The following FILIP1L variants were observed in gnomAD, a reference collection of about 807,000 sequenced individuals.
FILIP1L encodes the protein filamin A interacting protein 1 like.
A neutral mutation model predicts 96.6 loss-of-function variants in FILIP1L; 55 were observed. That is an observed-to-expected ratio of 0.57 (90% CI 0.46 to 0.71). FILIP1L has a LOEUF of 0.71. Among genes scored for constraint, FILIP1L ranks in the 30% least tolerant of loss-of-function variants. The probability of loss-of-function intolerance (pLI) is 0.00; values close to 1 mark genes in which losing one functional copy is unlikely to be tolerated. For synonymous variants in FILIP1L, 467 were observed against 473.9 expected (o/e 0.99, Z 0.19); for missense variants, 1,304 against 1,321.2 (o/e 0.99, Z 0.20).
At chr3:99,886,101 A>C (rs1190944325) in intron 4 of FILIP1L, among the ~76,000 whole-genome samples, 1 of 147,938 alleles carries the variant, frequency 6.8e-6, no homozygotes, top group Non-Finnish European at 1.5e-5. Flanking sequence ...AGAACACTCT[A>C]TGTGTGCACA....
At chr3:99,856,294 CAA>C (rs1311030376) in intron 4 of FILIP1L, among the ~76,000 whole-genome samples, 4 of 152,186 alleles carry the variant, frequency 2.6e-5, no homozygotes, top group African/African-American at 9.7e-5. Flanking sequence ...TCATAGAACA[CAA>C]AGAGTATAGG....
intron 1 of FILIP1L, among the ~76,000 whole-genome samples, chr3:99,996,776 A>G (rs1474607901): frequency 6.6e-6 from 1 of 152,102 alleles, no homozygotes; most frequent in Non-Finnish European, 1.5e-5. Context: ...CCATGAGAAC[A>G]GTATGGGGAA....
chr3:99,925,194 A>G (rs1271369954), intron 3 of FILIP1L, among the ~76,000 whole-genome samples: 7 of 152,210 alleles, frequency 4.6e-5, no homozygotes, highest in Non-Finnish European at 1.0e-4. Context: ...AGGTATTTCC[A>G]TTAAAATAGA....
chr3:99,969,966 G>A (rs957370220), intron 1 of FILIP1L, among the ~76,000 whole-genome samples: 1 of 152,178 alleles, frequency 6.6e-6, no homozygotes, highest in African/African-American at 2.4e-5. Flanking sequence ...AACAAATGAG[G>A]CTGTTACATC....
intron 4 of FILIP1L, among the ~76,000 whole-genome samples, chr3:99,892,979 G>A (rs1431449183): frequency 1.3e-5 from 2 of 152,126 alleles, no homozygotes; most frequent in African/African-American, 4.8e-5. Flanking sequence ...CCAAAACAGA[G>A]CTGAATTAGA....
intron 1 of FILIP1L, among the ~76,000 whole-genome samples, chr3:100,005,667 G>A (rs1709966581): frequency 6.6e-6 from 1 of 152,162 alleles, no homozygotes; most frequent in Non-Finnish European, 1.5e-5. Context: ...AAATTTATAA[G>A]CCTCTTTGAA....
At chr3:100,044,695 A>G (rs762779121) in intron 1 of FILIP1L, among the ~76,000 whole-genome samples, 4 of 152,194 alleles carry the variant, frequency 2.6e-5, no homozygotes, top group Non-Finnish European at 5.9e-5. Flanking sequence ...GATTTTTTTA[A>G]TGAGGTAAAA....
chr3:100,057,668 A>G (rs1169840449), intron 1 of FILIP1L, among the ~76,000 whole-genome samples: 2 of 152,196 alleles, frequency 1.3e-5, no homozygotes, highest in Admixed American at 6.5e-5. Flanking sequence ...CATATGGGAC[A>G]GTTGGTTTCA....
At chr3:100,049,445 A>C (rs1438202403) in intron 1 of FILIP1L, among the ~76,000 whole-genome samples, 1 of 152,214 alleles carries the variant, frequency 6.6e-6, no homozygotes, top group Non-Finnish European at 1.5e-5. Context: ...CTAGAGTGTC[A>C]TATTTTTAAG....
intron 4 of FILIP1L, among the ~76,000 whole-genome samples, chr3:99,905,140 T>G (rs901727599): frequency 6.6e-6 from 1 of 152,232 alleles, no homozygotes; most frequent in African/African-American, 2.4e-5. Context: ...CCTTCCTAGA[T>G]AGCTTATCCC....
intron 1 of FILIP1L, among the ~76,000 whole-genome samples, chr3:99,967,553 A>G (rs756812762): frequency 2.0e-5 from 3 of 152,204 alleles, no homozygotes; most frequent in Non-Finnish European, 4.4e-5. Flanking sequence ...ATTGAGGAAT[A>G]TGGTGAGTCC....
At chr3:99,971,174 A>G (rs1404865145) in intron 1 of FILIP1L, among the ~76,000 whole-genome samples, 2 of 152,116 alleles carry the variant, frequency 1.3e-5, no homozygotes, top group Non-Finnish European at 2.9e-5. Flanking sequence ...CGTCTCTACT[A>G]AAAATACAAA....
chr3:100,098,946 G>C (rs1020897896), intron 1 of FILIP1L, among the ~76,000 whole-genome samples: 2 of 152,196 alleles, frequency 1.3e-5, no homozygotes, highest in Non-Finnish European at 2.9e-5. Flanking sequence ...TGCCAGTTAA[G>C]ATGGTGTTGG....
intron 4 of FILIP1L, among the ~76,000 whole-genome samples, chr3:99,879,208 G>A (rs1314553605): frequency 1.3e-5 from 2 of 152,124 alleles, no homozygotes; most frequent in African/African-American, 4.8e-5. Context: ...TTTCTACCAA[G>A]TTCATTGCTT....
At chr3:100,098,434 C>G (rs1205740232) in intron 1 of FILIP1L, among the ~76,000 whole-genome samples, 2 of 152,146 alleles carry the variant, frequency 1.3e-5, no homozygotes, top group African/African-American at 4.8e-5. Context: ...GGCTACCTCA[C>G]AGGATTCTTG....
chr3:100,078,387 A>G (rs945673630), intron 1 of FILIP1L, among the ~76,000 whole-genome samples: 2 of 152,158 alleles, frequency 1.3e-5, no homozygotes, highest in Non-Finnish European at 2.9e-5. Context: ...CATAACACAT[A>G]TGTAATATAA....
intron 1 of FILIP1L, among the ~76,000 whole-genome samples, chr3:99,934,736 T>TA (rs1707604391): frequency 6.6e-6 from 1 of 152,204 alleles, no homozygotes; most frequent in Non-Finnish European, 1.5e-5. Context: ...ACCTCACTCT[T>TA]AAAGTGGGTT....
At chr3:99,953,172 T>C (rs1320836739) in intron 1 of FILIP1L, among the ~76,000 whole-genome samples, 2 of 152,354 alleles carry the variant, frequency 1.3e-5, no homozygotes, top group Non-Finnish European at 2.9e-5. Flanking sequence ...TATTATCTTT[T>C]TGTATTTCAT....
chr3:100,062,942 C>A (rs1026163743), intron 1 of FILIP1L, among the ~76,000 whole-genome samples: 1 of 152,162 alleles, frequency 6.6e-6, no homozygotes, highest in Non-Finnish European at 1.5e-5. Context: ...TCTGAGCCAG[C>A]AGACGTTTTG....
Sources: allele counts gnomAD v4.1 joint callset (sites outside exome capture counted in the v4.1 genomes callset), GRCh38; gene constraint gnomAD v4.1.1; transcripts MANE v1.5; gene names NCBI Gene and HGNC (gene_info 2026-07-23, HGNC 2026-07-21).